COL4A1: variants seen among roughly 807,000 people sequenced by gnomAD.
COL4A1 encodes collagen alpha-1(IV) chain.
A neutral mutation model predicts 216.6 loss-of-function variants in COL4A1; 40 were observed. That is an observed-to-expected ratio of 0.18 (90% CI 0.14 to 0.24). The LOEUF (loss-of-function observed/expected upper bound fraction) is 0.24, where lower values mean the gene tolerates loss of function less well. COL4A1 is among the 10% of genes least tolerant of loss of function. The pLI is 1.00. For synonymous variants in COL4A1, 839 were observed against 810.7 expected (o/e 1.03, Z -0.59); for missense variants, 1,628 against 2,196.8 (o/e 0.74, Z 5.18).
chr13:110,246,399 G>A (rs9588122), intron 1 of COL4A1, among the ~76,000 whole-genome samples: 2,464 of 129,272 alleles, frequency 0.019, 71 homozygotes, highest in African/African-American at 0.064. Context: ...CAGGTGTAAT[G>A]TATAAGCTTC....
chr13:110,222,944 T>A (rs1199120732), intron 2 of COL4A1, among the ~76,000 whole-genome samples: 2 of 152,088 alleles, frequency 1.3e-5, no homozygotes, highest in Admixed American at 6.5e-5. Context: ...TAAATATTTT[T>A]AATTAGGATT....
At chr13:110,271,344 A>T (rs1461763598) in intron 1 of COL4A1, among the ~76,000 whole-genome samples, 1 of 152,208 alleles carries the variant, frequency 6.6e-6, no homozygotes, top group African/African-American at 2.4e-5. Context: ...CAAGATACAT[A>T]TTAGGAGCCA....
intron 51 of COL4A1, among the ~76,000 whole-genome samples, chr13:110,151,797 T>C (rs1876513130): frequency 6.6e-6 from 1 of 152,184 alleles, no homozygotes; most frequent in Admixed American, 6.5e-5. Context: ...TAGTAGCCAC[T>C]TGGGCCAGTC....
chr13:110,190,743 G>A (rs1484684760), intron 24 of COL4A1: 1 of 152,080 alleles, frequency 6.6e-6, no homozygotes, highest in Non-Finnish European at 1.5e-5. Flanking sequence ...CTTCTCAATT[G>A]AATTATTTAC....
Position 110,179,317 on chromosome 13 carries a change from AG to A in COL4A1, c.2297del (p.Pro766LeufsTer36). ...EKGSIGVPGV[P>X]GEHGAIGPPG... ...GGGGTCCGATCGCTCCATGTTCTCC[AG>A]GAACGCCTGGTACCCCAATGCTCCC... On this transcript the variant is annotated frameshift_variant, in exon 30 of 52. Coordinates refer to ENST00000375820, the MANE Select transcript of COL4A1 (RefSeq NM_001845.6). LOFTEE classifies it high-confidence loss of function. 1 of 1,614,146 alleles carries A rather than the reference AG, an allele frequency of 6.2e-7. No individual in the cohort carries two copies. The highest frequency in any genetic ancestry group is 8.5e-7 in the Non-Finnish European group (1 of 1,180,026).
intron 50 of COL4A1, among the ~76,000 whole-genome samples, chr13:110,154,428 G>A (rs901805460): frequency 1.3e-5 from 2 of 152,266 alleles, no homozygotes; most frequent in Non-Finnish European, 2.9e-5. Context: ...TGCCCCAGGA[G>A]GGCCTTCGTG....
chr13:110,218,115 T>G (rs1880179782), intron 2 of COL4A1, among the ~76,000 whole-genome samples: 1 of 152,140 alleles, frequency 6.6e-6, no homozygotes, highest in African/African-American at 2.4e-5. Flanking sequence ...GCATGAAGCT[T>G]CTAAATGTGG....
intron 51 of COL4A1, among the ~76,000 whole-genome samples, chr13:110,151,256 C>T (rs1447352615): frequency 6.6e-6 from 1 of 151,886 alleles, no homozygotes; most frequent in South Asian, 2.1e-4. Context: ...TGGGATCTTA[C>T]CTAATTTGCT....
At chr13:110,294,681 T>C (rs1884201672) in intron 1 of COL4A1, among the ~76,000 whole-genome samples, 1 of 152,216 alleles carries the variant, frequency 6.6e-6, no homozygotes, top group Non-Finnish European at 1.5e-5. Flanking sequence ...CTTACAACTA[T>C]TTTAACAAAG....
At chr13:110,209,291 A>G (rs1268502062) in intron 11 of COL4A1, 101 bp downstream of exon 11, 11 of 1,096,428 alleles carry the variant, frequency 1.0e-5, no homozygotes, top group African/African-American at 1.7e-5. Context: ...TAATTTTCCA[A>G]CTTTTTTTTA....
chr13:110,154,395 C>G (rs1192205), intron 50 of COL4A1, among the ~76,000 whole-genome samples: 125,679 of 152,302 alleles, frequency 0.83, 51,924 homozygotes, highest in African/African-American at 0.85. Flanking sequence ...TCCTTGCCCT[C>G]TGGGAAGGGT....
intron 29 of COL4A1, among the ~76,000 whole-genome samples, chr13:110,180,703 C>T (rs907398718): frequency 3.3e-5 from 5 of 152,250 alleles, no homozygotes; most frequent in Non-Finnish European, 7.3e-5. Flanking sequence ...AGAATCCTGA[C>T]TTCACCCTGT....
chr13:110,257,870 A>G (rs1882648596), intron 1 of COL4A1, among the ~76,000 whole-genome samples: 1 of 152,260 alleles, frequency 6.6e-6, no homozygotes, highest in South Asian at 2.1e-4. Flanking sequence ...AAGGAACCTA[A>G]GAAGAATATT....
intron 2 of COL4A1, among the ~76,000 whole-genome samples, chr13:110,226,685 A>C (rs991240720): frequency 1.3e-5 from 2 of 152,216 alleles, no homozygotes; most frequent in African/African-American, 4.8e-5. Context: ...AATTTGAAAA[A>C]GCAGTAGTGA....
intron 1 of COL4A1, among the ~76,000 whole-genome samples, chr13:110,247,618 A>G (rs940915652): frequency 1.3e-5 from 2 of 152,290 alleles, no homozygotes; most frequent in Non-Finnish European, 2.9e-5. Flanking sequence ...CAATGGTTTT[A>G]ATAAGAAATA....
rs145955010 is a variant in COL4A1, at chr13:110,152,565, A to T, written c.4756-59T>A. 7.3e-4 allele frequency: 1,130 copies of T among 1,557,344 alleles called. 7 individuals carry two copies. The African/African-American group carries it at 0.012, about 16-fold the overall frequency. On this transcript the variant is annotated intron_variant, in intron 50 of 51. Coordinates refer to ENST00000375820, the MANE Select transcript of COL4A1 (RefSeq NM_001845.6). ...TCCCTCCCCAAACACCAGGAAAGAG[A>T]TCGATCCTTCCCAGGAAGGCGCCAG...
chr13:110,198,454 T>C lies in COL4A1; in HGVS notation c.1285+13A>G. Reference sequence around the variant, plus strand: ...CTTGCACCCCACATTAAACCATTTCTGAGGGAACTCACTTGTGTAGCCAGG... The same window carrying C: ...CTTGCACCCCACATTAAACCATTTCCGAGGGAACTCACTTGTGTAGCCAGG... On this transcript the variant is annotated intron_variant, in intron 21 of 51. Transcript: ENST00000375820. 1 of 1,613,438 alleles carries C rather than the reference T, an allele frequency of 6.2e-7. No homozygotes were observed. The highest frequency in any genetic ancestry group is 8.5e-7 in the Non-Finnish European group (1 of 1,179,924).
At chr13:110,153,556 C>T (rs980507080) in intron 50 of COL4A1, among the ~76,000 whole-genome samples, 4 of 152,106 alleles carry the variant, frequency 2.6e-5, no homozygotes, top group African/African-American at 7.2e-5. Flanking sequence ...TATGGAGTGG[C>T]GAATCCAATC....
intron 2 of COL4A1, among the ~76,000 whole-genome samples, chr13:110,234,249 A>C (rs1308197644): frequency 6.6e-6 from 1 of 152,148 alleles, no homozygotes; most frequent in Non-Finnish European, 1.5e-5. Flanking sequence ...TTATCCACCG[A>C]TCCACTCTTT....
Sources: allele counts gnomAD v4.1 joint callset (sites outside exome capture counted in the v4.1 genomes callset), GRCh38; gene constraint gnomAD v4.1.1; transcripts MANE v1.5; gene names NCBI Gene and HGNC (gene_info 2026-07-23, HGNC 2026-07-21).